C7: variants seen among roughly 807,000 people sequenced by gnomAD.
C7 encodes complement component C7.
Under a neutral mutation model 104.8 loss-of-function variants are expected in C7, and 83 were observed. The ratio of observed to expected loss-of-function variants is 0.79; its 90% CI spans 0.66 to 0.95. The LOEUF (loss-of-function observed/expected upper bound fraction) is 0.95. Ranked by LOEUF, C7 falls within the 40% of genes least tolerant of loss-of-function variation. The pLI is 0.00. For missense variants in C7, 1,070 were observed against 1,011.2 expected (o/e 1.06, Z -0.79); for synonymous variants, 415 against 360.6 (o/e 1.15, Z -1.71).
chr5:40,910,868 T>A (rs1739193012), intron 1 of C7, among the ~76,000 whole-genome samples: 1 of 151,874 alleles, frequency 6.6e-6, no homozygotes, highest in Non-Finnish European at 1.5e-5. Flanking sequence ...AAATGTTTTT[T>A]CCTAATATTT....
Position 40,958,180 on chromosome 5 carries a change from G to A in C7, c.1408G>A (p.Gly470Arg), listed in dbSNP as rs779057699. ...CQNGGLATVEGTHCLCHCKPY... is the reference protein window; with the variant it reads ...CQNGGLATVERTHCLCHCKPY... ...AAATGGTGGTTTGGCTACTGTTGAGGGGACCCATTGTCTGTGCCATTGCAA... is the reference window on the plus strand; with the variant it reads ...AAATGGTGGTTTGGCTACTGTTGAGAGGACCCATTGTCTGTGCCATTGCAA... Residue 470 changes from glycine (G) to arginine (R), a missense_variant, in exon 11 of 18, where the codon GGG becomes AGG. Gly to Arg is a moderately radical substitution (Grantham distance 125). Coordinates refer to ENST00000313164, the MANE Select transcript of C7 (RefSeq NM_000587.4). 1 of 1,613,774 alleles carries A rather than the reference G, an allele frequency of 6.2e-7. No individual in the cohort carries two copies. Among genetic ancestry groups the A allele is most frequent in the Non-Finnish European group, 8.5e-7 (1 of 1,179,750 alleles).
At chr5:40,969,349 C>T (rs1378779471) in intron 14 of C7, among the ~76,000 whole-genome samples, 1 of 151,918 alleles carries the variant, frequency 6.6e-6, no homozygotes, top group African/African-American at 2.4e-5. Context: ...GTTTCAGGGC[C>T]TGTATCTGTT....
chr5:40,929,091 T>C (rs1011036330), intron 2 of C7, among the ~76,000 whole-genome samples: 2 of 152,200 alleles, frequency 1.3e-5, no homozygotes, highest in Non-Finnish European at 2.9e-5. Flanking sequence ...ATGCTCTCAC[T>C]GTGTCAGATT....
At chr5:40,954,870 A>C (rs1740250810) in intron 9 of C7, 1 of 192,560 alleles carries the variant, frequency 5.2e-6, no homozygotes, top group Non-Finnish European at 8.8e-6. Flanking sequence ...GAGTGAGAAT[A>C]CTGTCTCAAA....
At chr5:40,957,949 A>G in intron 10 of C7, 84 bp from the exon 11 acceptor site, 2 of 862,928 alleles carry the variant, frequency 2.3e-6, no homozygotes, top group Non-Finnish European at 3.4e-6. Context: ...ATTTTGTTTT[A>G]ATGAGAGTCG....
chr5:40,913,359 G>C (rs189133447), intron 1 of C7, among the ~76,000 whole-genome samples: 259 of 152,220 alleles, frequency 1.7e-3, no homozygotes, highest in African/African-American at 6.0e-3. Flanking sequence ...TCAATTTTTA[G>C]TTCTTTGAGA....
chr5:40,981,262 T>C, intron 17 of C7, 130 bp from the exon 18 acceptor site: 1 of 867,712 alleles, frequency 1.2e-6, no homozygotes, highest in Middle Eastern at 3.2e-4. Flanking sequence ...TTCCAGGGGA[T>C]AATTTATTAT....
chr5:40,976,895 A>G (rs1740831596), intron 16 of C7, 55 bp downstream of exon 16: 1 of 1,321,440 alleles, frequency 7.6e-7, no homozygotes, highest in African/African-American at 1.5e-5. Flanking sequence ...ATAAGGGATA[A>G]TTTCTTAGAT....
At chr5:40,920,144 C>T (rs922492605) in intron 1 of C7, among the ~76,000 whole-genome samples, 3 of 151,966 alleles carry the variant, frequency 2.0e-5, no homozygotes, top group Non-Finnish European at 2.9e-5. Flanking sequence ...TCATCAGGGA[C>T]TATCATCAAC....
At chr5:40,938,611 C>A (rs1227353774) in intron 6 of C7, among the ~76,000 whole-genome samples, 1 of 152,148 alleles carries the variant, frequency 6.6e-6, no homozygotes, top group African/African-American at 2.4e-5. Context: ...ATGGCTGGAT[C>A]ATTTCATACC....
intron 13 of C7, among the ~76,000 whole-genome samples, chr5:40,963,754 C>T (rs1418598556): frequency 6.6e-6 from 1 of 152,138 alleles, no homozygotes; most frequent in African/African-American, 2.4e-5. Context: ...TCAAATTCCA[C>T]CTTGCTTCGC....
At chr5:40,978,219 A>C (rs1740860637) in intron 16 of C7, among the ~76,000 whole-genome samples, 1 of 152,116 alleles carries the variant, frequency 6.6e-6, no homozygotes, top group Admixed American at 6.5e-5. Context: ...CCGATATCCA[A>C]CTTCTTGAAG....
Position 40,948,996 on chromosome 5 carries a change from G to A in C7, c.983-908G>A, listed in dbSNP as rs563868031. ...TTCAAATCTTATAGGTTAGAAATGA[G>A]TGCACAAGTACAGGTTTTTGTAGCA... On this transcript the variant is annotated intron_variant, in intron 8 of 17. Coordinates refer to ENST00000313164, the MANE Select transcript of C7 (RefSeq NM_000587.4). Among the ~76,000 whole-genome samples, 7 of 151,910 alleles carry A rather than the reference G, an allele frequency of 4.6e-5. 1 individual carries two copies. The South Asian group carries it at 1.2e-3, about 27-fold the overall frequency.
chr5:40,941,322 C>T (rs1236729977), intron 6 of C7, among the ~76,000 whole-genome samples: 1 of 152,056 alleles, frequency 6.6e-6, no homozygotes, highest in African/African-American at 2.4e-5. Flanking sequence ...CCTCGGCCTC[C>T]CAAAGTGCTG....
chr5:40,921,863 C>T (rs1016059836), intron 1 of C7, among the ~76,000 whole-genome samples: 8 of 151,022 alleles, frequency 5.3e-5, no homozygotes, highest in African/African-American at 1.9e-4. Flanking sequence ...GGTGAAACCC[C>T]GTCTCTACTA....
chr5:40,941,778 G>T (rs999683309), intron 6 of C7, among the ~76,000 whole-genome samples: 2 of 152,194 alleles, frequency 1.3e-5, no homozygotes, highest in African/African-American at 2.4e-5. Context: ...AGACCCATTT[G>T]CAGGGAGAAG....
chr5:40,917,134 C>CAA lies in C7; in HGVS notation c.6+7531_6+7532dup, dbSNP rs138855377. ...TGAGTGACAGAGCGAGACTCCATCT[C>CAA]AAAAAAAAAAAAAAGAAAAAGAATA... On this transcript the variant is annotated intron_variant, in intron 1 of 17. Transcript: ENST00000313164. 5.1e-3 allele frequency among the ~76,000 whole-genome samples: 583 copies of CAA among 113,630 alleles called. 4 individuals are homozygous for CAA. Among genetic ancestry groups the CAA allele is most frequent in the African/African-American group, 0.017 (496 of 29,354 alleles). The allele number at this position is 113,630 out of a possible 152,430, so 74.5% of individuals were successfully genotyped here. A position where few individuals can be genotyped will look rare whatever the true frequency, so the allele number is the denominator to read the frequency against.
chr5:40,963,268 C>T (rs1740460017), intron 13 of C7, among the ~76,000 whole-genome samples: 1 of 152,148 alleles, frequency 6.6e-6, no homozygotes, highest in African/African-American at 2.4e-5. Flanking sequence ...TTGTCCTCCA[C>T]GTTTTCTGAT....
chr5:40,952,050 G>A (rs970453441), intron 9 of C7, among the ~76,000 whole-genome samples: 21 of 152,224 alleles, frequency 1.4e-4, no homozygotes, highest in African/African-American at 5.1e-4. Flanking sequence ...ACATAGAAAT[G>A]GAAGTGAGAG....
Sources: gnomAD v4.1 joint callset for allele counts (sites outside exome capture counted in the v4.1 genomes callset) on GRCh38, gnomAD v4.1.1 for gene constraint, MANE v1.5 for transcripts, NCBI Gene and HGNC (gene_info 2026-07-23, HGNC 2026-07-21) for gene names.